The following ARHGEF3 variants were observed in gnomAD, a reference collection of about 807,000 sequenced individuals.
ARHGEF3 encodes 59.8 kDA protein.
Under a neutral mutation model 63.2 loss-of-function variants are expected in ARHGEF3, and 28 were observed. The observed-to-expected ratio is 0.44, with a 90% CI of 0.33 to 0.61. The LOEUF is 0.61. Ranked by LOEUF, ARHGEF3 falls within the 20% of genes least tolerant of loss-of-function variation. ARHGEF3 has a pLI of 0.03. For missense variants in ARHGEF3, 533 were observed against 659.3 expected, an observed-to-expected ratio of 0.81 and a Z score of 2.10; for synonymous variants, 266 against 254.2, an observed-to-expected ratio of 1.05 and a Z score of -0.44.
intron 3 of ARHGEF3, among the ~76,000 whole-genome samples, chr3:56,932,751 T>C (rs1456318523): frequency 6.6e-6 from 1 of 152,194 alleles, no homozygotes; most frequent in Non-Finnish European, 1.5e-5. Flanking sequence ...ACACTACCAC[T>C]GAACACCTGT....
chr3:56,908,147 C>A (rs76480100), intron 3 of ARHGEF3, among the ~76,000 whole-genome samples: 10,585 of 152,262 alleles, frequency 0.07, 432 homozygotes, highest in South Asian at 0.15. Flanking sequence ...AGGATCAACC[C>A]TGCAACAAAC....
intron 2 of ARHGEF3, among the ~76,000 whole-genome samples, chr3:57,000,079 G>A (rs1030783436): frequency 3.6e-4 from 54 of 152,096 alleles, no homozygotes; most frequent in African/African-American, 1.2e-3. Context: ...TGTATCCTAG[G>A]CTGATTGTGA....
chr3:57,023,437 C>G (rs1703342637), intron 2 of ARHGEF3, among the ~76,000 whole-genome samples: 1 of 152,190 alleles, frequency 6.6e-6, no homozygotes. Flanking sequence ...CTGAGTTTTG[C>G]TTCCCTCCAA....
intron 2 of ARHGEF3, among the ~76,000 whole-genome samples, chr3:57,014,640 T>A (rs185301330): frequency 2.6e-5 from 4 of 152,142 alleles, no homozygotes; most frequent in Non-Finnish European, 4.4e-5. Flanking sequence ...ACAGTTAACA[T>A]AGAAAGTAAA....
At chr3:56,989,151 T>A (rs554076845) in intron 2 of ARHGEF3, among the ~76,000 whole-genome samples, 14 of 152,224 alleles carry the variant, frequency 9.2e-5, no homozygotes, top group Admixed American at 1.3e-4. Context: ...CCAGCTCCGC[T>A]GCCGGGTGGC....
intron 2 of ARHGEF3, among the ~76,000 whole-genome samples, chr3:57,005,787 A>C (rs1021618798): frequency 6.6e-6 from 1 of 152,224 alleles, no homozygotes; most frequent in Non-Finnish European, 1.5e-5. Context: ...GGCACCCGGC[A>C]GAGGGCCTCC....
rs763253922 is a variant in ARHGEF3 at position 56,729,230 on chromosome 3, G to T, written c.*40C>A. The stretch of plus-strand genomic sequence containing the variant: ...TCTGTGGAATGCAAATACTGTACAG[G>T]TAAGATGCAGGCCTGCTTCCCGAAG... On this transcript the variant is annotated 3_prime_UTR_variant, in exon 10 of 10. Coordinates refer to ENST00000296315, the MANE Select transcript of ARHGEF3 (RefSeq NM_019555.3). The T allele has an allele frequency of 1.4e-5, 22 of 1,552,708 alleles. No individual in the cohort carries two copies. In the East Asian group the frequency reaches 4.0e-4, roughly 29 times the overall value.
intron 7 of ARHGEF3, among the ~76,000 whole-genome samples, chr3:56,745,003 A>G (rs905820017): frequency 1.5e-4 from 23 of 152,166 alleles, no homozygotes; most frequent in Non-Finnish European, 7.4e-5. Context: ...TAAGCACTGC[A>G]TTTTACAGTT....
At position 56,774,932 on chromosome 3, in the gene ARHGEF3, A is replaced by C. The variant is rs548616466; in HGVS notation, c.97-1116T>G. On this transcript the variant is annotated intron_variant, in intron 1 of 9. Transcript: ENST00000296315. ...AAACAAACAACAACAACAACAAAAA[A>C]AAAACAGGCTATGGGGAAGAGAATG... The C allele has an allele frequency of 2.3e-4, 289 of 1,269,724 alleles. 1 individual carries two copies. In the African/African-American group the frequency reaches 3.7e-3, roughly 16 times the overall value. 78.7% of individuals were successfully genotyped at this position (1,269,724 alleles called of 1,614,324 possible). A position where few individuals can be genotyped will look rare whatever the true frequency, so the allele number is the denominator to read the frequency against.
intron 4 of ARHGEF3, among the ~76,000 whole-genome samples, chr3:56,813,331 T>G (rs1268072115): frequency 2.0e-5 from 3 of 152,228 alleles, no homozygotes; most frequent in African/African-American, 4.8e-5. Flanking sequence ...TGTATTTTCT[T>G]TGCCACAGTC....
intron 4 of ARHGEF3, among the ~76,000 whole-genome samples, chr3:56,857,364 C>T (rs1403731452): frequency 6.6e-6 from 1 of 152,082 alleles, no homozygotes; most frequent in Non-Finnish European, 1.5e-5. Context: ...ATTATTGACC[C>T]AGGGACAAGC....
intron 4 of ARHGEF3, among the ~76,000 whole-genome samples, chr3:56,858,896 G>C (rs895378793): frequency 6.6e-6 from 1 of 152,142 alleles, no homozygotes; most frequent in Non-Finnish European, 1.5e-5. Flanking sequence ...TTTTAAGTCA[G>C]GGATTCTTAC....
At chr3:56,753,677 T>G in intron 3 of ARHGEF3, 111 bp from the exon 4 acceptor site, 1 of 888,570 alleles carries the variant, frequency 1.1e-6, no homozygotes, top group Non-Finnish European at 1.8e-6. Flanking sequence ...TTTAAGTATT[T>G]TAAGTTACGT....
At chr3:57,069,368 G>A (rs965689369) in intron 1 of ARHGEF3, among the ~76,000 whole-genome samples, 1 of 120,172 alleles carries the variant, frequency 8.3e-6, no homozygotes, top group Non-Finnish European at 1.7e-5. Context: ...TCTAATCTCT[G>A]TCTCTCAAAC....
intron 7 of ARHGEF3, among the ~76,000 whole-genome samples, chr3:56,742,117 G>T (rs1199931232): frequency 6.6e-6 from 1 of 151,682 alleles, no homozygotes; most frequent in East Asian, 1.9e-4. Context: ...ACCAAGAATA[G>T]CAGTCTTCAC....
In ARHGEF3 at chr3:57,002,500, A is replaced by ATATATATATATATATATGT. The variant is rs1702276506; in HGVS notation, c.62+32587_62+32588insACATATATATATATATATA. Among the ~76,000 whole-genome samples, 22 of 60,120 alleles carry ATATATATATATATATATGT rather than the reference A, an allele frequency of 3.7e-4. 2 individuals are homozygous for ATATATATATATATATATGT. Among genetic ancestry groups the ATATATATATATATATATGT allele is most frequent in the African/African-American group, 1.3e-3 (21 of 16,020 alleles). 39.4% of individuals were successfully genotyped at this position (60,120 alleles called of 152,430 possible). A position where few individuals can be genotyped will look rare whatever the true frequency, so the allele number is the denominator to read the frequency against. ...TATGTTATATATATATATATATGTT[A>ATATATATATATATATATGT]TATATATATATATGTTATATATGTA... On this transcript the variant is annotated intron_variant, in intron 2 of 12. Coordinates refer to the ARHGEF3 transcript ENST00000338458.
At chr3:56,831,205 T>C (rs1382075713) in intron 4 of ARHGEF3, among the ~76,000 whole-genome samples, 1 of 152,252 alleles carries the variant, frequency 6.6e-6, no homozygotes, top group Non-Finnish European at 1.5e-5. Flanking sequence ...AGCTATGTTT[T>C]AATAACAGAC....
At chr3:56,895,466 TTA>T (rs370270306) in intron 3 of ARHGEF3, among the ~76,000 whole-genome samples, 1 of 57,012 alleles carries the variant, frequency 1.8e-5, no homozygotes, top group Non-Finnish European at 3.8e-5. Flanking sequence ...ATTTATTTAT[TTA>T]TTTATTTTTT....
intron 2 of ARHGEF3, 60 bp from the exon 3 acceptor site, chr3:56,755,211 A>G (rs1460130644): frequency 4.5e-6 from 7 of 1,550,834 alleles, no homozygotes; most frequent in Non-Finnish European, 4.4e-6. Context: ...TGGATCTTTG[A>G]GCAGTTTCCT....
Sources: allele counts gnomAD v4.1 joint callset (sites outside exome capture counted in the v4.1 genomes callset), GRCh38; gene constraint gnomAD v4.1.1; transcripts MANE v1.5; gene names NCBI Gene and HGNC (gene_info 2026-07-23, HGNC 2026-07-21).